GPHN: variants seen among roughly 807,000 people sequenced by gnomAD.
GPHN encodes gephyrin.
Under a neutral mutation model 95.5 loss-of-function variants are expected in GPHN, and 17 were observed. The observed-to-expected ratio is 0.18, with a 90% CI of 0.12 to 0.27. GPHN has a LOEUF of 0.27. Ranked by LOEUF, GPHN falls within the 10% of genes least tolerant of loss-of-function variation. The pLI, the probability that GPHN is intolerant of heterozygous loss-of-function variation, is 1.00. For missense variants in GPHN, 660 were observed against 978.1 expected (o/e 0.67, Z 4.34); for synonymous variants, 320 against 322.5 (o/e 0.99, Z 0.08).
chr14:66,938,370 A>G (rs1360474322), intron 8 of GPHN, among the ~76,000 whole-genome samples: 1 of 152,204 alleles, frequency 6.6e-6, no homozygotes, highest in Non-Finnish European at 1.5e-5. Context: ...TTCCTCATGT[A>G]TCCAGAAAAT....
At chr14:67,225,061 T>C in the GPHN span, 12 of 1,470,448 alleles carry the variant, frequency 8.2e-6, no homozygotes, top group East Asian at 2.3e-4. Flanking sequence ...TCTTTCTCAC[T>C]TCCTCTCTAT....
chr14:66,921,490 T>G lies in GPHN; in HGVS notation c.457-1176T>G, dbSNP rs112536510. On this transcript the variant is annotated intron_variant, in intron 6 of 22. Transcript: ENST00000478722. ...TGATTTGTTTGAGTTCGTTGTAGAT[T>G]CTGGATATTAGCCCTTTGTCAGATG... 6.6e-5 allele frequency among the ~76,000 whole-genome samples: 10 copies of G among 151,998 alleles called. 2 individuals carry two copies. Among genetic ancestry groups the G allele is most frequent in the African/African-American group, 2.2e-4 (9 of 41,464 alleles).
intron 17 of GPHN, among the ~76,000 whole-genome samples, chr14:67,142,215 A>G (rs985729294): frequency 1.3e-5 from 2 of 152,096 alleles, no homozygotes; most frequent in African/African-American, 2.4e-5. Context: ...CTAGATATAT[A>G]CTCCTCAAAA....
the GPHN span, chr14:67,646,444 C>A: frequency 1.8e-6 from 1 of 559,814 alleles, no homozygotes; most frequent in Non-Finnish European, 3.2e-6. Flanking sequence ...GAAAGCAATA[C>A]TGTGTTCCTC....
At chr14:67,571,720 G>C in the GPHN span, 1 of 1,601,974 alleles carries the variant, frequency 6.2e-7, no homozygotes, top group Non-Finnish European at 8.5e-7. Context: ...TTTGCAGCCT[G>C]AGCTGCAGTG....
the GPHN span, among the ~76,000 whole-genome samples, chr14:67,305,679 T>C: frequency 6.6e-5 from 10 of 152,242 alleles, no homozygotes; most frequent in Non-Finnish European, 1.2e-4. Context: ...TTAATCGAAG[T>C]GTTACATTGA....
chr14:66,918,915 A>C (rs1272279191), intron 6 of GPHN, among the ~76,000 whole-genome samples: 2 of 152,190 alleles, frequency 1.3e-5, no homozygotes, highest in Non-Finnish European at 2.9e-5. Flanking sequence ...AAAAATTTTT[A>C]AGATTTTTTT....
intron 4 of GPHN, among the ~76,000 whole-genome samples, chr14:66,829,409 C>T (rs186397648): frequency 8.6e-4 from 131 of 151,766 alleles, no homozygotes; most frequent in Non-Finnish European, 1.3e-3. Flanking sequence ...TTTTCTGGTC[C>T]GATAAAGGTT....
intron 5 of GPHN, among the ~76,000 whole-genome samples, chr14:66,906,068 G>A (rs145543592): frequency 5.0e-4 from 75 of 149,720 alleles, no homozygotes; most frequent in African/African-American, 1.7e-3. Flanking sequence ...CTAAGCTCTA[G>A]TAAATGATCA....
At chr14:67,695,090 A>G in the GPHN span, among the ~76,000 whole-genome samples, 123 of 152,308 alleles carry the variant, frequency 8.1e-4, 2 homozygotes, top group African/African-American at 2.7e-3. Flanking sequence ...GATAGAGCTC[A>G]TAACCAAACA....
intron 17 of GPHN, among the ~76,000 whole-genome samples, chr14:67,132,162 G>A (rs1475827748): frequency 6.6e-6 from 1 of 152,150 alleles, no homozygotes; most frequent in Admixed American, 6.5e-5. Flanking sequence ...TAGAAAATTG[G>A]GTTCTTAAAA....
chr14:67,531,689 A>T, the GPHN span, among the ~76,000 whole-genome samples: 1 of 150,262 alleles, frequency 6.7e-6, no homozygotes, highest in Non-Finnish European at 1.5e-5. Flanking sequence ...CCGAGGCAGG[A>T]GGATTTCTTG....
chr14:66,551,350 A>G (rs745961525), intron 1 of GPHN, among the ~76,000 whole-genome samples: 1 of 152,160 alleles, frequency 6.6e-6, no homozygotes, highest in African/African-American at 2.4e-5. Flanking sequence ...TGATCTTTGT[A>G]GCCACTCATT....
the GPHN span, among the ~76,000 whole-genome samples, chr14:67,238,274 T>C: frequency 4.7e-5 from 7 of 150,186 alleles, no homozygotes; most frequent in African/African-American, 7.3e-5. Context: ...GCTTTCTTTT[T>C]TTTTTTTTTT....
At chr14:66,674,837 T>C (rs2066495054) in intron 1 of GPHN, among the ~76,000 whole-genome samples, 1 of 152,234 alleles carries the variant, frequency 6.6e-6, no homozygotes, top group African/African-American at 2.4e-5. Flanking sequence ...TAAATGCCCA[T>C]TCCTGTGATT....
At position 66,508,566 on chromosome 14, in the gene GPHN, T is replaced by G; in HGVS notation, c.39T>G (p.His13Gln). 6.2e-7 allele frequency: 1 copy of G among 1,613,898 alleles called. No homozygotes were observed. The highest frequency in any genetic ancestry group is 8.5e-7 in the Non-Finnish European group (1 of 1,179,850). Residue 13 changes from histidine (H) to glutamine (Q), a missense_variant, in exon 1 of 23, where the codon CAT (histidine) becomes CAG (glutamine). Transcript: ENST00000478722. ...GAATGATCCTTACTAACCACGACCATCAAATCCGTGTCGGAGTCCTTACAG... is the reference window on the plus strand; with the variant it reads ...GAATGATCCTTACTAACCACGACCAGCAAATCCGTGTCGGAGTCCTTACAG... ...TEGMILTNHD[H>Q]QIRVGVLTVS...
chr14:67,565,841 C>T, the GPHN span, among the ~76,000 whole-genome samples: 10 of 152,128 alleles, frequency 6.6e-5, no homozygotes, highest in Admixed American at 2.0e-4. Flanking sequence ...GGTTCAAATC[C>T]GGGCTCAGTA....
chr14:66,599,391 C>CTTTTT (rs1566679513), intron 1 of GPHN, among the ~76,000 whole-genome samples: 2 of 74,040 alleles, frequency 2.7e-5, no homozygotes, highest in Admixed American at 1.7e-4. Flanking sequence ...TTTTTTTTTG[C>CTTTTT]ATTTTTTTTT....
intron 18 of GPHN, among the ~76,000 whole-genome samples, chr14:67,158,484 A>G (rs561863518): frequency 2.0e-5 from 3 of 152,244 alleles, no homozygotes; most frequent in South Asian, 2.1e-4. Flanking sequence ...CGGTGAGATG[A>G]TGTTGGCTGA....
Sources: allele counts gnomAD v4.1 joint callset (sites outside exome capture counted in the v4.1 genomes callset), GRCh38; gene constraint gnomAD v4.1.1; transcripts MANE v1.5; gene names NCBI Gene and HGNC (gene_info 2026-07-23, HGNC 2026-07-21).